LRP1B: variants seen among roughly 807,000 people sequenced by gnomAD.
LRP1B encodes LDL receptor related protein 1B.
In LRP1B, 217 loss-of-function variants were observed where a neutral mutation model predicts 556.6. The ratio of observed to expected loss-of-function variants is 0.39; its 90% CI spans 0.35 to 0.44. The LOEUF is 0.44. Ranked by LOEUF, LRP1B falls within the 20% of genes least tolerant of loss-of-function variation. LRP1B has a pLI of 1.00. For missense variants in LRP1B, 5,053 were observed against 5,620.8 expected (o/e 0.90, Z 3.23); for synonymous variants, 2,047 against 1,865.8 (o/e 1.10, Z -2.50).
intron 7 of LRP1B, among the ~76,000 whole-genome samples, chr2:141,074,201 A>C (rs1002619886): frequency 6.6e-6 from 1 of 152,062 alleles, no homozygotes; most frequent in Non-Finnish European, 1.5e-5. Flanking sequence ...TTCCTTAAAA[A>C]AATCCAAGTA....
chr2:140,742,206 G>T (rs1243293624), intron 35 of LRP1B, among the ~76,000 whole-genome samples: 1 of 152,174 alleles, frequency 6.6e-6, no homozygotes, highest in Non-Finnish European at 1.5e-5. Flanking sequence ...TAGGACCAAT[G>T]TAATTGACTG....
chr2:140,396,518 G>T (rs1033737100), intron 66 of LRP1B, among the ~76,000 whole-genome samples: 1 of 152,014 alleles, frequency 6.6e-6, no homozygotes, highest in African/African-American at 2.4e-5. Context: ...CCTAGTTCTG[G>T]CTCCAATTAA....
At chr2:140,881,317 T>G (rs1693468000) in intron 25 of LRP1B, among the ~76,000 whole-genome samples, 1 of 151,818 alleles carries the variant, frequency 6.6e-6, no homozygotes, top group Admixed American at 6.6e-5. Context: ...TAAGCCTACC[T>G]TGTGAAAGGT....
chr2:141,796,345 T>G (rs1053766938), intron 2 of LRP1B, among the ~76,000 whole-genome samples: 1 of 152,070 alleles, frequency 6.6e-6, no homozygotes, highest in Non-Finnish European at 1.5e-5. Flanking sequence ...GTAAACTATT[T>G]GCACACACAT....
At chr2:142,073,743 T>C (rs1450014937) in intron 1 of LRP1B, among the ~76,000 whole-genome samples, 1 of 152,026 alleles carries the variant, frequency 6.6e-6, no homozygotes, top group East Asian at 1.9e-4. Context: ...GATTGGGTCA[T>C]GGGCAGATTT....
chr2:140,506,179 T>C (rs898754072), intron 53 of LRP1B, among the ~76,000 whole-genome samples: 2 of 152,112 alleles, frequency 1.3e-5, no homozygotes, highest in African/African-American at 4.8e-5. Flanking sequence ...ATATACTGTC[T>C]TCAAATTTCA....
intron 43 of LRP1B, among the ~76,000 whole-genome samples, chr2:140,587,445 A>G (rs891039236): frequency 6.6e-6 from 1 of 152,210 alleles, no homozygotes; most frequent in Non-Finnish European, 1.5e-5. Context: ...GTGAACTTGG[A>G]GTACATTATG....
At chr2:140,254,690 A>T (rs1392402558) in intron 86 of LRP1B, among the ~76,000 whole-genome samples, 1 of 152,010 alleles carries the variant, frequency 6.6e-6, no homozygotes, top group African/African-American at 2.4e-5. Flanking sequence ...AGTATCAGGG[A>T]TTACAGGCAC....
intron 7 of LRP1B, among the ~76,000 whole-genome samples, chr2:141,161,489 GAA>G (rs1680032225): frequency 6.6e-6 from 1 of 152,214 alleles, no homozygotes; most frequent in African/African-American, 2.4e-5. Flanking sequence ...CATTTTTGAC[GAA>G]AAGACTAGAA....
At chr2:141,249,413 A>G (rs1172721501) in intron 4 of LRP1B, among the ~76,000 whole-genome samples, 1 of 152,130 alleles carries the variant, frequency 6.6e-6, no homozygotes, top group Non-Finnish European at 1.5e-5. Flanking sequence ...CATGGCCAAC[A>G]TGGCGAAGCC....
chr2:141,467,122 A>ATATATATG (rs1682254830), intron 3 of LRP1B, among the ~76,000 whole-genome samples: 2 of 3,310 alleles, frequency 6.0e-4, no homozygotes, highest in African/African-American at 9.7e-4. Context: ...ATATATATAT[A>ATATATATG]TCTATATATA....
chr2:141,099,405 G>A (rs541125825), intron 7 of LRP1B, among the ~76,000 whole-genome samples: 1 of 152,188 alleles, frequency 6.6e-6, no homozygotes, highest in Non-Finnish European at 1.5e-5. Context: ...ATGACAAGAA[G>A]TGGACAGGAC....
chr2:140,454,038 G>A (rs1451577503), intron 62 of LRP1B, among the ~76,000 whole-genome samples: 2 of 152,132 alleles, frequency 1.3e-5, no homozygotes, highest in Non-Finnish European at 2.9e-5. Flanking sequence ...CCTCTCATTA[G>A]ATCAGAAAAG....
At chr2:141,720,607 T>C (rs1692776648) in intron 2 of LRP1B, among the ~76,000 whole-genome samples, 1 of 152,078 alleles carries the variant, frequency 6.6e-6, no homozygotes, top group Non-Finnish European at 1.5e-5. Flanking sequence ...TTAATTCTAA[T>C]CACATGTAAA....
intron 86 of LRP1B, among the ~76,000 whole-genome samples, chr2:140,255,157 G>A (rs1681621282): frequency 6.6e-6 from 1 of 152,074 alleles, no homozygotes; most frequent in Non-Finnish European, 1.5e-5. Context: ...TACCAGATTT[G>A]TTTAACATTT....
At chr2:140,691,124 A>T (rs1182043931) in intron 41 of LRP1B, among the ~76,000 whole-genome samples, 3 of 152,220 alleles carry the variant, frequency 2.0e-5, no homozygotes, top group African/African-American at 7.2e-5. Context: ...AACAATAAGC[A>T]CATAGCCCTT....
intron 2 of LRP1B, among the ~76,000 whole-genome samples, chr2:141,697,140 C>T (rs1409575443): frequency 6.6e-6 from 1 of 151,788 alleles, no homozygotes; most frequent in Non-Finnish European, 1.5e-5. Context: ...ATATATTTTA[C>T]ATGGCATTCT....
At chr2:141,798,277 G>A (rs1448307712) in intron 2 of LRP1B, among the ~76,000 whole-genome samples, 1 of 152,144 alleles carries the variant, frequency 6.6e-6, no homozygotes, top group East Asian at 1.9e-4. Flanking sequence ...AGTGTATACA[G>A]GTGTTTATCA....
At chr2:140,992,080 T>C (rs1227354630) in intron 16 of LRP1B, among the ~76,000 whole-genome samples, 3 of 151,986 alleles carry the variant, frequency 2.0e-5, no homozygotes, top group Non-Finnish European at 4.4e-5. Flanking sequence ...GCAGGCATAA[T>C]AGAAAGCCAT....
Sources: gnomAD v4.1 joint callset for allele counts (sites outside exome capture counted in the v4.1 genomes callset) on GRCh38, gnomAD v4.1.1 for gene constraint, MANE v1.5 for transcripts, NCBI Gene and HGNC (gene_info 2026-07-23, HGNC 2026-07-21) for gene names.